ZNF141: variants seen among roughly 807,000 people sequenced by gnomAD.
The protein encoded by ZNF141 is zinc finger protein 141.
ZNF141 carries 7 observed loss-of-function variants against 11.3 expected under a neutral mutation model. The ratio of observed to expected loss-of-function variants is 0.62; its 90% confidence interval spans 0.35 to 1.16. The LOEUF is 1.16. Ranked by LOEUF, ZNF141 falls within the 50% of genes most tolerant of loss-of-function variation. The pLI, the probability that ZNF141 is intolerant of heterozygous loss-of-function variation, is 0.02. For missense variants in ZNF141, 535 were observed against 554.0 expected (o/e 0.97, Z 0.34); for synonymous variants, 183 against 190.7 (o/e 0.96, Z 0.33).
At position 384,194 on chromosome 4, in the gene ZNF141, CAAG is replaced by C. The variant is rs1317607149; in HGVS notation, c.*10336_*10338del. The C allele has an allele frequency of 1.3e-5, 2 of 152,204 alleles. No homozygotes were observed. Among genetic ancestry groups the C allele is most frequent in the African/African-American group, 4.8e-5 (2 of 41,440 alleles). 9.4% of individuals were successfully genotyped at this position (152,204 alleles called of 1,614,324 possible). A position where few individuals can be genotyped will look rare whatever the true frequency, so the allele number is the denominator to read the frequency against. Reference sequence around the variant, plus strand: ...TTAGGTCCAAAGATAAATAGCAAAACAAGAAGTTTGCCTTTAATCTATTCCCTC... The same window carrying C: ...TTAGGTCCAAAGATAAATAGCAAAACAAGTTTGCCTTTAATCTATTCCCTC... On this transcript the variant is annotated 3_prime_UTR_variant, in exon 4 of 4. Coordinates refer to ENST00000240499, the MANE Select transcript of ZNF141 (RefSeq NM_003441.4).
Position 374,111 on chromosome 4 carries a change from T to A in ZNF141, c.*249T>A. On this transcript the variant is annotated 3_prime_UTR_variant, in exon 4 of 4. Coordinates refer to ENST00000240499, the MANE Select transcript of ZNF141 (RefSeq NM_003441.4). The stretch of plus-strand genomic sequence containing the variant: ...TGAATGAGCAGAAGAAAATTATTAC[T>A]GGAGATAAACCCTGCAAATGTAAAG... 1 of 521,484 alleles carries A rather than the reference T, an allele frequency of 1.9e-6. No homozygotes were observed. The highest frequency in any genetic ancestry group is 3.4e-6 in the Non-Finnish European group (1 of 292,558). 32.3% of individuals were successfully genotyped at this position (521,484 alleles called of 1,614,324 possible).
chr4:370,747 TG>T (rs201112433), intron 3 of ZNF141, among the ~76,000 whole-genome samples: 7 of 151,744 alleles, frequency 4.6e-5, no homozygotes, highest in African/African-American at 2.4e-5. Context: ...CTTTTTTTTT[TG>T]AAATGAAAGT....
In ZNF141 at chr4:377,409, C is replaced by G. The variant is rs1655495563; in HGVS notation, c.*3547C>G. ...GGAGAGGACGTCTGTTCTCAGGCTG[C>G]AGAACCAACTCATTATGAATGTAAA... is the stretch of plus-strand genomic sequence containing the variant. On this transcript the variant is annotated 3_prime_UTR_variant, in exon 4 of 4. Coordinates refer to ENST00000240499, the MANE Select transcript of ZNF141 (RefSeq NM_003441.4). 6.6e-6 allele frequency among the ~76,000 whole-genome samples: 1 copy of G among 152,194 alleles called. No individual in the cohort carries two copies. Among genetic ancestry groups the G allele is most frequent in the African/African-American group, 2.4e-5 (1 of 41,446 alleles).
At chr4:357,976 C>T (rs888189825) in intron 3 of ZNF141, among the ~76,000 whole-genome samples, 20 of 151,896 alleles carry the variant, frequency 1.3e-4, no homozygotes, top group African/African-American at 4.8e-4. Context: ...GCCTCAGCCT[C>T]CCGAAGTGCT....
rs1294506287 is a variant in ZNF141, at chr4:382,160, A to G, written c.*8298A>G. On this transcript the variant is annotated 3_prime_UTR_variant, in exon 4 of 4. Transcript: ENST00000240499. ...ACGGGGTTTCACCATGTTAGCCAACAAGGTCTTGATTTCCTGACCTCGTGA... is the reference window on the plus strand; with the variant it reads ...ACGGGGTTTCACCATGTTAGCCAACGAGGTCTTGATTTCCTGACCTCGTGA... Among the ~76,000 whole-genome samples, 4 of 151,718 alleles carry G rather than the reference A, an allele frequency of 2.6e-5. No individual in the cohort carries two copies. Among genetic ancestry groups the G allele is most frequent in the Non-Finnish European group, 4.4e-5 (3 of 67,952 alleles).
chr4:373,985 T>C lies in ZNF141; in HGVS notation c.*123T>C. 1.2e-6 allele frequency: 1 copy of C among 851,258 alleles called. No individual in the cohort carries two copies. 52.7% of individuals were successfully genotyped at this position (851,258 alleles called of 1,614,324 possible). ...ATGTGAAGAACGTGGCAAAGTTCTTTACCTCATTCTCAAACCTTGATAAAC... is the reference window on the plus strand; with the variant it reads ...ATGTGAAGAACGTGGCAAAGTTCTTCACCTCATTCTCAAACCTTGATAAAC... On this transcript the variant is annotated 3_prime_UTR_variant, in exon 4 of 4. Transcript: ENST00000240499.
At chr4:362,020 C>CA (rs1553852249) in intron 3 of ZNF141, among the ~76,000 whole-genome samples, 2 of 152,196 alleles carry the variant, frequency 1.3e-5, no homozygotes. Context: ...CCTATTTCTC[C>CA]ACATCCTCTC....
chr4:345,413 C>G (rs146364125), intron 3 of ZNF141, among the ~76,000 whole-genome samples: 29 of 152,006 alleles, frequency 1.9e-4, no homozygotes, highest in African/African-American at 6.5e-4. Flanking sequence ...CATGGATTTC[C>G]AACATTTTGG....
rs142477766 is a variant in ZNF141 at position 366,604 on chromosome 4, A to T, written c.227-6060A>T. 1.2e-3 allele frequency among the ~76,000 whole-genome samples: 177 copies of T among 151,594 alleles called. 1 individual carries two copies. Among genetic ancestry groups the T allele is most frequent in the African/African-American group, 4.1e-3 (169 of 41,380 alleles). ...GGCGTGAGCCACCACACCCAGCATTATCAATGTTTTATAATTATCAGTGTA... is the reference window on the plus strand; with the variant it reads ...GGCGTGAGCCACCACACCCAGCATTTTCAATGTTTTATAATTATCAGTGTA... On this transcript the variant is annotated intron_variant, in intron 3 of 3. Transcript: ENST00000240499.
At position 372,647 on chromosome 4, in the gene ZNF141, A is replaced by AT. The variant is rs1712124884; in HGVS notation, c.227-12dup. 2 of 1,481,032 alleles carry AT rather than the reference A, an allele frequency of 1.4e-6. No individual in the cohort carries two copies. The allele number at this position is 1,481,032 out of a possible 1,614,324, so 91.7% of individuals were successfully genotyped here. ...AATCTACTAAGTGGGATAATTTGTA[A>AT]TTTTTATTTCTTTCAGCTATGTGTT... On this transcript the variant is annotated splice_polypyrimidine_tract_variant and intron_variant, in intron 3 of 3. Coordinates refer to ENST00000240499, the MANE Select transcript of ZNF141 (RefSeq NM_003441.4).
At position 373,690 on chromosome 4, in the gene ZNF141, G is replaced by C. The variant is rs782086457; in HGVS notation, c.1253G>C (p.Ser418Thr). The stretch of plus-strand genomic sequence containing the variant: ...CGGAGTCAACATAAGAAAATTCATA[G>C]TGCAGATAAACCCTACAAATGTAAA... ...TDRSQHKKIH[S>T]ADKPYKCKEC... Residue 418 changes from serine (S) to threonine (T), a missense_variant, in exon 4 of 4, where the codon AGT becomes ACT. Ser to Thr is a moderately conservative substitution (Grantham distance 58). Coordinates refer to ENST00000240499, the MANE Select transcript of ZNF141 (RefSeq NM_003441.4). The C allele has an allele frequency of 3.1e-6, 5 of 1,613,854 alleles. No homozygotes were observed. Among genetic ancestry groups the C allele is most frequent in the South Asian group, 1.1e-5 (1 of 91,048 alleles).
chr4:364,525 A>C (rs1553852671), intron 3 of ZNF141, among the ~76,000 whole-genome samples: 1 of 152,108 alleles, frequency 6.6e-6, no homozygotes. Flanking sequence ...TTTCTGTGGG[A>C]TCGGTGGTTA....
chr4:369,765 T>TATATATATATATA lies in ZNF141; in HGVS notation c.227-2899_227-2898insATATATATATATA, dbSNP rs59617897. Among the ~76,000 whole-genome samples, 29 of 26,434 alleles carry TATATATATATATA rather than the reference T, an allele frequency of 1.1e-3. 1 individual carries two copies. Among genetic ancestry groups the TATATATATATATA allele is most frequent in the Admixed American group, 3.0e-3 (4 of 1,322 alleles). 17.3% of individuals were successfully genotyped at this position (26,434 alleles called of 152,430 possible). On this transcript the variant is annotated intron_variant, in intron 3 of 3. Transcript: ENST00000240499. Reference sequence around the variant, plus strand: ...ATATATATATATATATATATATATATTTTTTTTTTTTTTTTTTTTGAGAGG... The same window carrying TATATATATATATA: ...ATATATATATATATATATATATATATATATATATATATATTTTTTTTTTTTTTTTTTTGAGAGG...
chr4:353,326 G>C (rs538039309), intron 3 of ZNF141, among the ~76,000 whole-genome samples: 34 of 148,932 alleles, frequency 2.3e-4, no homozygotes, highest in African/African-American at 8.4e-4. Flanking sequence ...TGTGACCTGA[G>C]ATCATGCCAG....
chr4:369,158 TACAC>T (rs57543494), intron 3 of ZNF141, among the ~76,000 whole-genome samples: 34 of 151,038 alleles, frequency 2.3e-4, no homozygotes, highest in Admixed American at 5.9e-4. Context: ...TAGTGTAAGA[TACAC>T]ACACACACAC....
In ZNF141 at chr4:373,339, A is replaced by G. The variant is rs781796258; in HGVS notation, c.902A>G (p.His301Arg). ...IFTSSSNFAK[H>R]KRIHTGEKPY... is the part of the protein sequence containing the mutation. ...ACCTCATCCTCAAACTTTGCCAAAC[A>G]TAAGCGAATTCATACTGGAGAGAAA... is the stretch of plus-strand genomic sequence containing the variant. The change falls in exon 4 of 4, where the codon CAT becomes CGT. Residue 301 changes from histidine to arginine, a missense_variant. His to Arg is a conservative substitution (Grantham distance 29). Coordinates refer to ENST00000240499, the MANE Select transcript of ZNF141 (RefSeq NM_003441.4). 7 of 1,613,934 alleles carry G rather than the reference A, an allele frequency of 4.3e-6. No individual in the cohort carries two copies. Among genetic ancestry groups the G allele is most frequent in the African/African-American group, 2.7e-5 (2 of 74,932 alleles).
At chr4:347,590 C>T (rs141262992) in intron 3 of ZNF141, among the ~76,000 whole-genome samples, 4,355 of 152,070 alleles carry the variant, frequency 0.029, 62 homozygotes, top group Middle Eastern at 0.065. Flanking sequence ...CCGCCTGCCT[C>T]GGCCTCCCAA....
In ZNF141 at chr4:373,868, A is replaced by G. The variant is rs782433169; in HGVS notation, c.*6A>G. ...ATAAGAAAATTCATACTTGAGAGAAATCCTACAAATGTAAAGAATGTGGCA... is the reference window on the plus strand; with the variant it reads ...ATAAGAAAATTCATACTTGAGAGAAGTCCTACAAATGTAAAGAATGTGGCA... On this transcript the variant is annotated 3_prime_UTR_variant, in exon 4 of 4. Transcript: ENST00000240499. 3.1e-6 allele frequency: 5 copies of G among 1,592,392 alleles called. No individual in the cohort carries two copies. Among genetic ancestry groups the G allele is most frequent in the South Asian group, 2.3e-5 (2 of 88,648 alleles).
At chr4:341,876 C>T (rs1039461024) in intron 1 of ZNF141, among the ~76,000 whole-genome samples, 8 of 152,166 alleles carry the variant, frequency 5.3e-5, no homozygotes, top group Admixed American at 4.6e-4. Context: ...TAAATCTTTT[C>T]TATAAAATTA....
Sources: allele counts gnomAD v4.1 joint callset (sites outside exome capture counted in the v4.1 genomes callset), GRCh38; gene constraint gnomAD v4.1.1; transcripts MANE v1.5; gene names NCBI Gene and HGNC (gene_info 2026-07-23, HGNC 2026-07-21).